Variants in PCLO observed in about 807,000 individuals in gnomAD.
PCLO encodes the protein protein piccolo.
PCLO carries 82 observed loss-of-function variants against 427.5 expected under a neutral mutation model. The ratio of observed to expected loss-of-function variants is 0.19; its 90% CI spans 0.16 to 0.23. PCLO has a LOEUF of 0.23. PCLO is among the 10% of genes least tolerant of loss of function. The pLI is 1.00. For synonymous variants in PCLO, 2,357 were observed against 2,155.4 expected (o/e 1.09, Z -2.59); for missense variants, 6,239 against 6,115.9 (o/e 1.02, Z -0.67).
At chr7:83,127,864 T>G (rs777138217) in intron 3 of PCLO, among the ~76,000 whole-genome samples, 1 of 152,070 alleles carries the variant, frequency 6.6e-6, no homozygotes, top group Non-Finnish European at 1.5e-5. Flanking sequence ...TACTAATGAT[T>G]AGCAGGACCT....
chr7:83,096,488 T>C (rs1790540629), intron 3 of PCLO, among the ~76,000 whole-genome samples: 2 of 151,856 alleles, frequency 1.3e-5, no homozygotes, highest in African/African-American at 2.4e-5. Context: ...CCTCAAAGGA[T>C]TGTGTAAGAA....
chr7:82,763,034 T>C (rs1790462685), intron 22 of PCLO, among the ~76,000 whole-genome samples: 1 of 152,082 alleles, frequency 6.6e-6, no homozygotes, highest in Non-Finnish European at 1.5e-5. Flanking sequence ...TCAGACTTCT[T>C]AAGTCAACCA....
At chr7:83,058,868 G>C (rs1457022208) in intron 3 of PCLO, among the ~76,000 whole-genome samples, 21 of 152,022 alleles carry the variant, frequency 1.4e-4, no homozygotes, top group Non-Finnish European at 1.2e-4. Flanking sequence ...TGACAAGTCA[G>C]CATTTATAAA....
chr7:83,006,146 G>T (rs1787940557), intron 3 of PCLO, among the ~76,000 whole-genome samples: 1 of 151,552 alleles, frequency 6.6e-6, no homozygotes, highest in Non-Finnish European at 1.5e-5. Flanking sequence ...AGCAACTTTT[G>T]ATAGAAAAGA....
chr7:82,951,370 C>A lies in PCLO; in HGVS notation c.9218G>T (p.Gly3073Val), dbSNP rs748243784. ...YSTARMTPPP[G>V]PQYCVGSVLR... ...AACACTCCCCACACAATACTGGGGT[C>A]CTGGTGGTGGTGTCATTCTTGCTGT... is the stretch of plus-strand genomic sequence containing the variant. The change falls in exon 6 of 25, where the codon GGA (glycine) becomes GTA (valine). Residue 3073 changes from glycine (G) to valine (V), a missense_variant. Physicochemically the swap from Gly to Val is moderately radical, Grantham distance 109. This residue lies in a region of PCLO where 4,677 missense variants were observed against 4,468.4 expected (regional missense o/e 1.05). Transcript: ENST00000333891. The A allele has an allele frequency of 6.2e-7, 1 of 1,605,446 alleles. No individual in the cohort carries two copies. The highest frequency in any genetic ancestry group is 8.5e-7 in the Non-Finnish European group (1 of 1,175,548).
At chr7:83,112,052 GT>G (rs965526975) in intron 3 of PCLO, among the ~76,000 whole-genome samples, 2 of 151,608 alleles carry the variant, frequency 1.3e-5, no homozygotes, top group Non-Finnish European at 2.9e-5. Flanking sequence ...GTTGTTTTTT[GT>G]TTTTTTGTTT....
chr7:82,826,525 G>T, intron 18 of PCLO, 64 bp downstream of exon 18: 1 of 1,046,436 alleles, frequency 9.6e-7, no homozygotes, highest in Non-Finnish European at 1.5e-6. Flanking sequence ...AACATGCTTT[G>T]CATCGTGCTT....
chr7:82,827,705 C>A (rs1200883156), intron 17 of PCLO, among the ~76,000 whole-genome samples, 168 bp downstream of exon 17: 1 of 151,990 alleles, frequency 6.6e-6, no homozygotes, highest in Non-Finnish European at 1.5e-5. Flanking sequence ...TCACCCTGTG[C>A]TTAAATGTCA....
intron 18 of PCLO, among the ~76,000 whole-genome samples, chr7:82,825,950 G>GTA (rs1429131628): frequency 1.3e-5 from 2 of 148,656 alleles, no homozygotes. Flanking sequence ...TATAAACAAT[G>GTA]TATATATATA....
At chr7:82,797,819 G>A (rs779562774) in intron 22 of PCLO, among the ~76,000 whole-genome samples, 2 of 152,106 alleles carry the variant, frequency 1.3e-5, no homozygotes, top group African/African-American at 4.8e-5. Flanking sequence ...CTAATCTCAT[G>A]CTGGGATTAA....
chr7:82,879,947 T>TAACC, intron 9 of PCLO: 1 of 397,430 alleles, frequency 2.5e-6, no homozygotes, highest in South Asian at 1.9e-5. Flanking sequence ...CAGCCTTAAT[T>TAACC]AACCAACTAA....
In PCLO at chr7:82,846,437, T is replaced by C. The variant is rs1792503891; in HGVS notation, c.13831+130A>G. 1.1e-5 allele frequency: 7 copies of C among 624,474 alleles called. No individual in the cohort carries two copies. In the South Asian group the frequency reaches 1.2e-4, roughly 11 times the overall value. 38.7% of individuals were successfully genotyped at this position (624,474 alleles called of 1,614,324 possible). Reference sequence around the variant, plus strand: ...AATTATATAAATACATAAAAAAATCTATCCATAACTTTATATTTGTCTATA... The same window carrying C: ...AATTATATAAATACATAAAAAAATCCATCCATAACTTTATATTTGTCTATA... On this transcript the variant is annotated intron_variant, in intron 12 of 24. Coordinates refer to ENST00000333891, the MANE Select transcript of PCLO (RefSeq NM_033026.6).
intron 6 of PCLO, among the ~76,000 whole-genome samples, chr7:82,940,778 T>C (rs1260666714): frequency 8.2e-4 from 97 of 118,322 alleles, no homozygotes; most frequent in Admixed American, 3.2e-3. Context: ...TTTTTTTTTT[T>C]CTGAGACTGA....
chr7:83,057,311 T>TATATACATATACATATATAC (rs1178881098), intron 3 of PCLO, among the ~76,000 whole-genome samples: 1 of 53,964 alleles, frequency 1.9e-5, no homozygotes, highest in Non-Finnish European at 3.2e-5. Flanking sequence ...ATAATCATTA[T>TATATACATATACATATATAC]ATATACATAT....
chr7:83,021,796 G>T (rs558459523), intron 3 of PCLO, among the ~76,000 whole-genome samples: 1 of 151,928 alleles, frequency 6.6e-6, no homozygotes, highest in South Asian at 2.1e-4. Context: ...AGTTCAATAC[G>T]GAAGCTAAAT....
chr7:83,038,960 G>C (rs1788901848), intron 3 of PCLO, among the ~76,000 whole-genome samples: 1 of 151,890 alleles, frequency 6.6e-6, no homozygotes, highest in African/African-American at 2.4e-5. Flanking sequence ...CTGTGGTTTT[G>C]ATTTGTATTT....
intron 22 of PCLO, among the ~76,000 whole-genome samples, chr7:82,776,063 C>A (rs997392197): frequency 3.3e-5 from 5 of 152,144 alleles, no homozygotes; most frequent in Admixed American, 6.5e-5. Context: ...AGTTTTAACA[C>A]TGATCTCTTG....
intron 3 of PCLO, among the ~76,000 whole-genome samples, chr7:82,990,064 G>A (rs982098002): frequency 2.6e-5 from 4 of 152,142 alleles, no homozygotes; most frequent in African/African-American, 9.7e-5. Flanking sequence ...AATTAAGGGG[G>A]AAGGGGACTT....
intron 3 of PCLO, among the ~76,000 whole-genome samples, chr7:83,018,875 C>T (rs906468812): frequency 3.9e-5 from 6 of 152,008 alleles, no homozygotes; most frequent in African/African-American, 1.4e-4. Context: ...CTGTGTTTTA[C>T]ACATTACCTT....
Sources: allele counts gnomAD v4.1 joint callset (sites outside exome capture counted in the v4.1 genomes callset), GRCh38; gene constraint gnomAD v4.1.1; regional missense constraint gnomAD v4.1.1; transcripts MANE v1.5; gene names NCBI Gene and HGNC (gene_info 2026-07-23, HGNC 2026-07-21).